RIMS1: variants seen among roughly 807,000 people sequenced by gnomAD.
RIMS1 encodes the protein regulating synaptic membrane exocytosis protein 1.
RIMS1 carries 83 observed loss-of-function variants against 214.1 expected under a neutral mutation model. That is an observed-to-expected ratio of 0.39 (90% CI 0.32 to 0.47). The LOEUF (loss-of-function observed/expected upper bound fraction) is 0.47. Ranked by LOEUF, RIMS1 falls within the 20% of genes least tolerant of loss-of-function variation. The pLI is 0.99. For synonymous variants in RIMS1, 793 were observed against 786.8 expected, an observed-to-expected ratio of 1.01 and a Z score of -0.13; for missense variants, 2,050 against 2,161.8, an observed-to-expected ratio of 0.95 and a Z score of 1.03.
At chr6:72,323,222 A>T (rs2096267360) in intron 28 of RIMS1, among the ~76,000 whole-genome samples, 1 of 152,100 alleles carries the variant, frequency 6.6e-6, no homozygotes, top group Non-Finnish European at 1.5e-5. Context: ...AAATAATATC[A>T]TACAGAGCCT....
intron 4 of RIMS1, among the ~76,000 whole-genome samples, chr6:72,123,683 T>C (rs1180921413): frequency 6.6e-6 from 1 of 151,910 alleles, no homozygotes; most frequent in Non-Finnish European, 1.5e-5. Context: ...ATATTTAGGA[T>C]AGTTAGCTCT....
intron 1 of RIMS1, among the ~76,000 whole-genome samples, chr6:71,948,122 G>A (rs556838407): frequency 6.6e-6 from 1 of 152,132 alleles, no homozygotes; most frequent in South Asian, 2.1e-4. Flanking sequence ...AGAGTCACAG[G>A]TTGTGTATCT....
At chr6:72,281,498 G>A (rs982627501) in intron 23 of RIMS1, among the ~76,000 whole-genome samples, 1 of 151,962 alleles carries the variant, frequency 6.6e-6, no homozygotes, top group African/African-American at 2.4e-5. Flanking sequence ...AAGTTGCCAG[G>A]GATCAGAAGA....
chr6:72,142,207 A>G (rs1410182026), intron 4 of RIMS1, among the ~76,000 whole-genome samples: 1 of 151,930 alleles, frequency 6.6e-6, no homozygotes, highest in Non-Finnish European at 1.5e-5. Context: ...CATTGGGTTA[A>G]CCATTATTGT....
At chr6:72,098,253 C>T (rs1276488771) in intron 3 of RIMS1, among the ~76,000 whole-genome samples, 2 of 151,784 alleles carry the variant, frequency 1.3e-5, no homozygotes, top group Non-Finnish European at 2.9e-5. Flanking sequence ...AAACTTTATT[C>T]CAGTGGACTT....
At chr6:72,145,346 G>A (rs554380310) in intron 4 of RIMS1, among the ~76,000 whole-genome samples, 9 of 152,262 alleles carry the variant, frequency 5.9e-5, no homozygotes, top group East Asian at 3.9e-4. Context: ...CAGGTGTGTC[G>A]GCTCACGCCT....
At chr6:72,119,711 T>C (rs1440453525) in intron 4 of RIMS1, among the ~76,000 whole-genome samples, 1 of 151,680 alleles carries the variant, frequency 6.6e-6, no homozygotes, top group Non-Finnish European at 1.5e-5. Flanking sequence ...TGTGCAGGTT[T>C]GTTACATATG....
intron 19 of RIMS1, chr6:72,262,992 A>G: frequency 1.6e-6 from 1 of 629,486 alleles, no homozygotes; most frequent in African/African-American, 2.0e-5. Flanking sequence ...AGAGATGAGG[A>G]AAAAAGCTAC....
intron 2 of RIMS1, among the ~76,000 whole-genome samples, chr6:72,006,323 T>C (rs974507622): frequency 2.6e-5 from 4 of 152,192 alleles, no homozygotes; most frequent in Non-Finnish European, 5.9e-5. Context: ...TTTAGGAAGA[T>C]AACATTAAAG....
intron 1 of RIMS1, among the ~76,000 whole-genome samples, chr6:71,922,992 G>T (rs1780476851): frequency 1.3e-5 from 2 of 152,210 alleles, no homozygotes; most frequent in South Asian, 4.2e-4. Flanking sequence ...TGTTTAATTG[G>T]CTGGCACCCA....
At chr6:72,393,018 T>C (rs1436538042) in intron 31 of RIMS1, among the ~76,000 whole-genome samples, 1 of 151,940 alleles carries the variant, frequency 6.6e-6, no homozygotes, top group Non-Finnish European at 1.5e-5. Context: ...GCTATAAATA[T>C]TTGAATTACC....
chr6:72,049,600 G>A (rs1297052368), intron 2 of RIMS1, among the ~76,000 whole-genome samples: 1 of 152,100 alleles, frequency 6.6e-6, no homozygotes, highest in East Asian at 1.9e-4. Flanking sequence ...TGAGGTACGA[G>A]GTAAGGTCAG....
intron 1 of RIMS1, among the ~76,000 whole-genome samples, chr6:71,936,341 A>G (rs1052904677): frequency 2.0e-5 from 3 of 149,758 alleles, no homozygotes; most frequent in African/African-American, 7.4e-5. Context: ...AAAAAAAAAA[A>G]AAAAAAAAAA....
Position 72,233,844 on chromosome 6 carries a change from A to G in RIMS1, c.1746+4A>G. On this transcript the variant is annotated splice_donor_region_variant and intron_variant, in intron 7 of 33. Coordinates refer to ENST00000521978, the MANE Select transcript of RIMS1 (RefSeq NM_014989.7). Reference sequence around the variant, plus strand: ...GGAGACATCACCTATTAGTTCGGTAAGTTTTCTGGAAAGTGTGTTTGGAGT... The same window carrying G: ...GGAGACATCACCTATTAGTTCGGTAGGTTTTCTGGAAAGTGTGTTTGGAGT... 4 of 1,567,690 alleles carry G rather than the reference A, an allele frequency of 2.6e-6. No individual in the cohort carries two copies. Among genetic ancestry groups the G allele is most frequent in the Non-Finnish European group, 3.5e-6 (4 of 1,152,904 alleles).
Position 72,392,790 on chromosome 6 carries a change from C to T in RIMS1, c.4598C>T (p.Thr1533Ile), listed in dbSNP as rs2154442838. 3 of 1,611,700 alleles carry T rather than the reference C, an allele frequency of 1.9e-6. No homozygotes were observed. Among genetic ancestry groups the T allele is most frequent in the South Asian group, 1.1e-5 (1 of 90,890 alleles). ...LGPAQLVGRQ[T>I]LATPAMGDIQ... ...CCAGCCCAGCTTGTTGGCCGCCAAA[C>T]CCTTGCCACCCCTGCAATGGGTAAG... Residue 1533 changes from threonine (T) to isoleucine (I), a missense_variant, in exon 31 of 34, where the codon ACC becomes ATC. Coordinates refer to ENST00000521978, the MANE Select transcript of RIMS1 (RefSeq NM_014989.7).
In RIMS1 at chr6:72,158,412, A is replaced by AT. The variant is rs1228155301; in HGVS notation, c.472-21155dup. On this transcript the variant is annotated intron_variant, in intron 4 of 33. Transcript: ENST00000521978. ...TCTCTGGTTGTTTTAAAAAGATTGT[A>AT]TTTTTTTTAATCATACTCTAAGTTT... 2.1e-5 allele frequency among the ~76,000 whole-genome samples: 3 copies of AT among 139,854 alleles called. 1 individual carries two copies. The South Asian group carries it at 7.1e-4, about 33-fold the overall frequency. The allele number at this position is 139,854 out of a possible 152,430, so 91.7% of individuals were successfully genotyped here.
chr6:72,256,209 A>G (rs2075786558), intron 16 of RIMS1, among the ~76,000 whole-genome samples: 1 of 152,086 alleles, frequency 6.6e-6, no homozygotes, highest in South Asian at 2.1e-4. Flanking sequence ...ATATTTATTT[A>G]AGGTCATTCA....
chr6:72,028,082 G>A (rs7758946), intron 2 of RIMS1, among the ~76,000 whole-genome samples: 3,676 of 152,224 alleles, frequency 0.024, 63 homozygotes, highest in Non-Finnish European at 0.035. Context: ...TTATTAAATG[G>A]AGGGAAACAT....
chr6:72,321,926 A>G (rs2096193675), intron 28 of RIMS1, among the ~76,000 whole-genome samples: 1 of 152,170 alleles, frequency 6.6e-6, no homozygotes, highest in Non-Finnish European at 1.5e-5. Flanking sequence ...ATTTAAAGTT[A>G]CAGAGAACAG....
Sources: allele counts gnomAD v4.1 joint callset (sites outside exome capture counted in the v4.1 genomes callset), GRCh38; gene constraint gnomAD v4.1.1; transcripts MANE v1.5; gene names NCBI Gene and HGNC (gene_info 2026-07-23, HGNC 2026-07-21).